SPATS2L: variants seen among roughly 807,000 people sequenced by gnomAD.
SPATS2L encodes the protein SPATS2-like protein.
In SPATS2L, 30 loss-of-function variants were observed where a neutral mutation model predicts 59.6. That is an observed-to-expected ratio of 0.50 (90% confidence interval 0.38 to 0.68). The LOEUF is 0.68. Among genes scored for constraint, SPATS2L ranks in the 30% least tolerant of loss-of-function variants. The pLI is 0.00. For missense variants in SPATS2L, 615 were observed against 700.0 expected (o/e 0.88, Z 1.37); for synonymous variants, 252 against 263.5 (o/e 0.96, Z 0.42).
chr2:200,400,238 C>T lies in SPATS2L; in HGVS notation c.39+10955C>T, dbSNP rs538862211. Reference sequence around the variant, plus strand: ...GATAGTGGCTAGACAGAATATTTACCTAAGTCCTAATACCATGTAGGTATA... The same window carrying T: ...GATAGTGGCTAGACAGAATATTTACTTAAGTCCTAATACCATGTAGGTATA... On this transcript the variant is annotated intron_variant, in intron 3 of 12. Transcript: ENST00000409140. Among the ~76,000 whole-genome samples, 3 of 152,216 alleles carry T rather than the reference C, an allele frequency of 2.0e-5. No individual in the cohort carries two copies. The South Asian group carries it at 6.2e-4, about 32-fold the overall frequency.
At chr2:200,410,874 A>G (rs1479960043) in intron 3 of SPATS2L, among the ~76,000 whole-genome samples, 1 of 152,104 alleles carries the variant, frequency 6.6e-6, no homozygotes, top group African/African-American at 2.4e-5. Context: ...ACAGAATTGG[A>G]TTTTTAAAGA....
intron 8 of SPATS2L, among the ~76,000 whole-genome samples, chr2:200,446,217 C>T (rs2085034848): frequency 6.6e-6 from 1 of 152,148 alleles, no homozygotes; most frequent in Non-Finnish European, 1.5e-5. Context: ...TGCCTGTGGT[C>T]CCAGCCACTC....
chr2:200,309,428 C>T (rs1052815623), intron 1 of SPATS2L, among the ~76,000 whole-genome samples: 2 of 152,226 alleles, frequency 1.3e-5, no homozygotes, highest in South Asian at 4.1e-4. Flanking sequence ...TTGACAGGTA[C>T]TGCTTAGTCA....
At chr2:200,316,263 T>A (rs1026477480) in intron 1 of SPATS2L, among the ~76,000 whole-genome samples, 2 of 152,172 alleles carry the variant, frequency 1.3e-5, no homozygotes, top group Non-Finnish European at 1.5e-5. Context: ...CCTGCTGTAG[T>A]CTGTTGGACT....
intron 3 of SPATS2L, among the ~76,000 whole-genome samples, chr2:200,401,460 A>T (rs772530162): frequency 4.6e-5 from 7 of 152,218 alleles, no homozygotes; most frequent in Admixed American, 1.3e-4. Flanking sequence ...AGAAAGTAAA[A>T]CTGTTCTAAA....
intron 1 of SPATS2L, among the ~76,000 whole-genome samples, chr2:200,322,157 A>G (rs1407535094): frequency 6.6e-6 from 1 of 152,242 alleles, no homozygotes; most frequent in Non-Finnish European, 1.5e-5. Flanking sequence ...ATCAAGCCTC[A>G]TTAAAATAAG....
At chr2:200,327,881 T>C (rs200865686) in intron 1 of SPATS2L, among the ~76,000 whole-genome samples, 1,488 of 136,580 alleles carry the variant, frequency 0.011, 9 homozygotes, top group African/African-American at 0.015. Context: ...CACACACACA[T>C]ACACACGCAA....
At position 200,443,514 on chromosome 2, in the gene SPATS2L, G is replaced by A. The variant is rs1574567011; in HGVS notation, c.788+2730G>A. Among the ~76,000 whole-genome samples the A allele has an allele frequency of 3.9e-5, 6 of 152,254 alleles. No individual in the cohort carries two copies. The South Asian group carries it at 1.2e-3, about 32-fold the overall frequency. On this transcript the variant is annotated intron_variant, in intron 8 of 12. Transcript: ENST00000409140. ...TCCAGAAAGAATGCCAGTTCTGAGA[G>A]AGATGTCACCGCATGTGGTGCACAA...
At chr2:200,376,819 C>T (rs571664427) in intron 2 of SPATS2L, among the ~76,000 whole-genome samples, 56 of 152,328 alleles carry the variant, frequency 3.7e-4, no homozygotes, top group African/African-American at 1.2e-3. Context: ...CCCCTAGCTT[C>T]GGGCCGCCAC....
intron 1 of SPATS2L, among the ~76,000 whole-genome samples, chr2:200,317,425 C>T (rs1443533502): frequency 6.6e-6 from 1 of 152,162 alleles, no homozygotes; most frequent in East Asian, 1.9e-4. Context: ...AATGCAAATG[C>T]TATGGAGGTG....
rs1173848741 is a variant in SPATS2L at position 200,439,195 on chromosome 2, G to T, written c.519G>T (p.Arg173Ser). 1.2e-6 allele frequency: 2 copies of T among 1,613,740 alleles called. No individual in the cohort carries two copies. Among genetic ancestry groups the T allele is most frequent in the Admixed American group, 3.3e-5 (2 of 59,982 alleles). Residue 173 changes from arginine to serine, a missense_variant, in exon 7 of 13, where the codon AGG (arginine) becomes AGT (serine). Physicochemically the swap from Arg to Ser is moderately radical, Grantham distance 110. Coordinates refer to ENST00000409140, the MANE Select transcript of SPATS2L (RefSeq NM_001100423.2). Reference sequence around the variant, plus strand: ...AACCTATACATGGAACAACAGAGAGGTCAGATGGCCTACAGTGGTCAGCTG... The same window carrying T: ...AACCTATACATGGAACAACAGAGAGTTCAGATGGCCTACAGTGGTCAGCTG... ...NPKPIHGTTERSDGLQWSAEQ... is the reference protein window; with the variant it reads ...NPKPIHGTTESSDGLQWSAEQ...
chr2:200,373,516 C>T (rs944869867), intron 2 of SPATS2L, among the ~76,000 whole-genome samples: 3 of 152,176 alleles, frequency 2.0e-5, no homozygotes, highest in Admixed American at 1.3e-4. Context: ...AATACCTCCT[C>T]GCATTTTTAA....
intron 6 of SPATS2L, among the ~76,000 whole-genome samples, chr2:200,427,304 T>C (rs1262179534): frequency 6.6e-6 from 1 of 151,940 alleles, no homozygotes; most frequent in East Asian, 1.9e-4. Context: ...TATCAAAATA[T>C]CTCAAGCACC....
intron 1 of SPATS2L, among the ~76,000 whole-genome samples, chr2:200,308,022 T>C (rs1484547467): frequency 3.3e-5 from 5 of 151,576 alleles, no homozygotes; most frequent in Admixed American, 2.6e-4. Context: ...CGACAGACTT[T>C]AAGACAAACG....
chr2:200,433,571 CAA>C (rs1377565842), intron 6 of SPATS2L, among the ~76,000 whole-genome samples: 1 of 151,912 alleles, frequency 6.6e-6, no homozygotes, highest in Non-Finnish European at 1.5e-5. Context: ...GAAAATTTCA[CAA>C]GAGATATGAG....
chr2:200,307,293 T>G (rs1176731646), intron 1 of SPATS2L, among the ~76,000 whole-genome samples: 1 of 150,458 alleles, frequency 6.6e-6, no homozygotes, highest in East Asian at 2.0e-4. Context: ...CCTGCCGTCC[T>G]CCCGCGCGGG....
At chr2:200,384,514 G>A (rs1001425386) in intron 2 of SPATS2L, among the ~76,000 whole-genome samples, 2 of 152,102 alleles carry the variant, frequency 1.3e-5, no homozygotes, top group East Asian at 1.9e-4. Flanking sequence ...CCGCCATGCC[G>A]GCTAATTTTC....
chr2:200,464,164 CA>C (rs1480950100), intron 9 of SPATS2L, among the ~76,000 whole-genome samples: 2 of 152,180 alleles, frequency 1.3e-5, no homozygotes, highest in African/African-American at 4.8e-5. Context: ...ATTACAGGAT[CA>C]GTGAAGCTTA....
At chr2:200,373,249 T>A (rs2081486739) in intron 2 of SPATS2L, 1 of 132,158 alleles carries the variant, frequency 7.6e-6, no homozygotes, top group Admixed American at 8.8e-5. Context: ...AATCCCCCTG[T>A]GCTAAATTTG....
Sources: allele counts gnomAD v4.1 joint callset (sites outside exome capture counted in the v4.1 genomes callset), GRCh38; gene constraint gnomAD v4.1.1; transcripts MANE v1.5; gene names NCBI Gene and HGNC (gene_info 2026-07-23, HGNC 2026-07-21).